Variants in GRAP2 observed in about 807,000 individuals in gnomAD.
The protein encoded by GRAP2 is GRB2-related adapter protein 2.
In GRAP2, 31 loss-of-function variants were observed where a neutral mutation model predicts 43.5. That is an observed-to-expected ratio of 0.71 (90% confidence interval 0.54 to 0.96). The LOEUF (loss-of-function observed/expected upper bound fraction) is 0.96, where lower values mean the gene tolerates loss of function less well. GRAP2 is among the 40% of genes least tolerant of loss of function. GRAP2 has a pLI of 0.00. For missense variants in GRAP2, 371 were observed against 424.4 expected (o/e 0.87, Z 1.11); for synonymous variants, 156 against 164.8 (o/e 0.95, Z 0.41).
chr22:39,918,596 T>C (rs1201412595), intron 1 of GRAP2, among the ~76,000 whole-genome samples: 1 of 152,230 alleles, frequency 6.6e-6, no homozygotes, highest in Non-Finnish European at 1.5e-5. Context: ...CAGAGTCTTG[T>C]TTGCCTCTAC....
Position 39,907,907 on chromosome 22 carries a change from G to A in GRAP2, c.-15+6577G>A, listed in dbSNP as rs58502938. 6.5e-3 allele frequency among the ~76,000 whole-genome samples: 995 copies of A among 152,236 alleles called. 14 individuals are homozygous for A. Among genetic ancestry groups the A allele is most frequent in the African/African-American group, 0.023 (948 of 41,544 alleles). On this transcript the variant is annotated intron_variant, in intron 1 of 7. Transcript: ENST00000344138. ...TCAAGGTAATTTGCTAATGTCTGCC[G>A]GGACGTAGCACCAAGCCTGTCACGC...
chr22:39,930,472 A>C (rs1464138454), intron 1 of GRAP2, among the ~76,000 whole-genome samples: 1 of 152,230 alleles, frequency 6.6e-6, no homozygotes, highest in East Asian at 1.9e-4. Flanking sequence ...AAATGAGATA[A>C]TGTGTAAAGT....
At chr22:39,931,113 A>G (rs1366051623) in intron 1 of GRAP2, among the ~76,000 whole-genome samples, 3 of 152,032 alleles carry the variant, frequency 2.0e-5, no homozygotes, top group East Asian at 3.9e-4. Context: ...CTGGATCTTC[A>G]TGCTCTACAC....
chr22:39,964,282 C>T, intron 4 of GRAP2: 1 of 645,630 alleles, frequency 1.5e-6, no homozygotes. Context: ...GAATGTGTCC[C>T]ATCACTTGTG....
intron 1 of GRAP2, among the ~76,000 whole-genome samples, chr22:39,945,183 G>A (rs2066909595): frequency 1.3e-5 from 2 of 152,236 alleles, no homozygotes; most frequent in South Asian, 4.1e-4. Context: ...GATGGATCTT[G>A]AAGAAAGTGT....
At chr22:39,967,477 C>T (rs918783656) in intron 5 of GRAP2, among the ~76,000 whole-genome samples, 2 of 152,196 alleles carry the variant, frequency 1.3e-5, no homozygotes, top group African/African-American at 2.4e-5. Flanking sequence ...ATGAAACTAA[C>T]AATACGGTAT....
At chr22:39,911,823 C>T (rs914864450) in intron 1 of GRAP2, among the ~76,000 whole-genome samples, 3 of 152,172 alleles carry the variant, frequency 2.0e-5, no homozygotes, top group African/African-American at 7.2e-5. Context: ...GCAACGGCAC[C>T]GCCGGGGAGC....
chr22:39,955,315 G>A (rs548767364), intron 2 of GRAP2, among the ~76,000 whole-genome samples: 2 of 151,716 alleles, frequency 1.3e-5, no homozygotes, highest in East Asian at 1.9e-4. Flanking sequence ...CTGAGATCCC[G>A]CCACTGCACT....
intron 1 of GRAP2, among the ~76,000 whole-genome samples, chr22:39,915,201 AAAAAG>A (rs2066594575): frequency 6.6e-6 from 1 of 151,526 alleles, no homozygotes; most frequent in Non-Finnish European, 1.5e-5. Flanking sequence ...AAAAAAAAAA[AAAAAG>A]AAAAGAAAAA....
chr22:39,953,403 CCT>C (rs2067011060), intron 2 of GRAP2, among the ~76,000 whole-genome samples: 1 of 152,196 alleles, frequency 6.6e-6, no homozygotes, highest in Admixed American at 6.5e-5. Flanking sequence ...CCAGAGTCCT[CCT>C]CTCCCTTAGC....
At chr22:39,919,074 G>A (rs2066627791) in intron 1 of GRAP2, among the ~76,000 whole-genome samples, 1 of 152,096 alleles carries the variant, frequency 6.6e-6, no homozygotes, top group Non-Finnish European at 1.5e-5. Context: ...GGAGTTCAAG[G>A]CTACAGTGAG....
In GRAP2 at chr22:39,960,088, A is replaced by G. The variant is rs773129421; in HGVS notation, c.204A>G (p.Ala68=). Residue 68 remains alanine, a synonymous_variant, in exon 4 of 8, where the codon GCA becomes GCG. Coordinates refer to ENST00000344138, the MANE Select transcript of GRAP2 (RefSeq NM_004810.4). ...ACGAAGGCCTCTCTCGACACCAGGC[A>G]GAGAACTTACTCATGGGCAAGGAGG... The part of the protein sequence containing the change: ...WFHEGLSRHQ[A]ENLLMGKEVG... The G allele has an allele frequency of 1.2e-6, 2 of 1,612,650 alleles. No individual in the cohort carries two copies. Among genetic ancestry groups the G allele is most frequent in the Non-Finnish European group, 1.7e-6 (2 of 1,178,650 alleles).
chr22:39,943,962 G>A (rs543578272), intron 1 of GRAP2, among the ~76,000 whole-genome samples: 20 of 151,984 alleles, frequency 1.3e-4, no homozygotes, highest in African/African-American at 4.1e-4. Context: ...CTCATGATCC[G>A]CCCGCCTCCT....
chr22:39,948,778 C>G (rs929907740), intron 2 of GRAP2, among the ~76,000 whole-genome samples: 3 of 152,162 alleles, frequency 2.0e-5, no homozygotes, highest in African/African-American at 7.2e-5. Flanking sequence ...ACACTGCTAA[C>G]TGGCCCTCTC....
At chr22:39,969,269 A>C in intron 6 of GRAP2, 142 bp from the exon 7 acceptor site, 1 of 925,140 alleles carries the variant, frequency 1.1e-6, no homozygotes, top group Non-Finnish European at 1.7e-6. Context: ...GGTCCTCCTC[A>C]ACGTGGAGGG....
intron 1 of GRAP2, among the ~76,000 whole-genome samples, chr22:39,938,176 AC>A (rs2066826119): frequency 6.6e-6 from 1 of 152,050 alleles, no homozygotes; most frequent in Non-Finnish European, 1.5e-5. Flanking sequence ...CCCTCCCTTC[AC>A]TACCCCTCCC....
At chr22:39,913,103 G>A (rs577445947) in intron 1 of GRAP2, among the ~76,000 whole-genome samples, 1 of 150,714 alleles carries the variant, frequency 6.6e-6, no homozygotes, top group Admixed American at 6.6e-5. Context: ...TGAGGTGGGA[G>A]AATCGCTTAT....
intron 6 of GRAP2, 193 bp downstream of exon 6, chr22:39,968,465 A>ACACACACACACACTGTCT (rs2067200544): frequency 1.7e-6 from 1 of 583,024 alleles, no homozygotes; most frequent in Non-Finnish European, 3.0e-6. Context: ...CTGAACACAC[A>ACACACACACACACTGTCT]CACACACACA....
intron 1 of GRAP2, among the ~76,000 whole-genome samples, chr22:39,918,344 G>T (rs1444918866): frequency 1.3e-5 from 2 of 152,152 alleles, no homozygotes; most frequent in Non-Finnish European, 2.9e-5. Flanking sequence ...ATCCCAAAAG[G>T]TTATCATTTC....
Sources: gnomAD v4.1 joint callset for allele counts (sites outside exome capture counted in the v4.1 genomes callset) on GRCh38, gnomAD v4.1.1 for gene constraint, MANE v1.5 for transcripts, NCBI Gene and HGNC (gene_info 2026-07-23, HGNC 2026-07-21) for gene names.